The following JAKMIP2 variants were observed in gnomAD, a reference collection of about 807,000 sequenced individuals.
JAKMIP2 encodes the protein janus kinase and microtubule interacting protein 2.
Under a neutral mutation model 115.0 loss-of-function variants are expected in JAKMIP2, and 25 were observed. The observed-to-expected ratio is 0.22, with a 90% CI of 0.16 to 0.30. The LOEUF (loss-of-function observed/expected upper bound fraction) is 0.30, where lower values mean the gene tolerates loss of function less well. Among genes scored for constraint, JAKMIP2 ranks in the 10% least tolerant of loss-of-function variants. The pLI is 1.00. For missense variants in JAKMIP2, 642 were observed against 957.6 expected, an observed-to-expected ratio of 0.67 and a Z score of 4.35; for synonymous variants, 334 against 343.6, an observed-to-expected ratio of 0.97 and a Z score of 0.31.
intron 1 of JAKMIP2, among the ~76,000 whole-genome samples, chr5:147,762,550 C>T (rs1010639346): frequency 2.0e-5 from 3 of 152,050 alleles, no homozygotes; most frequent in African/African-American, 7.2e-5. Flanking sequence ...TGTGTCCTCA[C>T]ATGGCCTTTT....
intron 1 of JAKMIP2, among the ~76,000 whole-genome samples, chr5:147,722,401 C>A (rs977958707): frequency 1.1e-4 from 17 of 152,116 alleles, no homozygotes; most frequent in Admixed American, 1.0e-3. Context: ...TTTCTGATTA[C>A]CTGCTTTGCA....
chr5:147,653,160 G>T (rs1345877581), intron 3 of JAKMIP2, among the ~76,000 whole-genome samples: 1 of 152,086 alleles, frequency 6.6e-6, no homozygotes, highest in Non-Finnish European at 1.5e-5. Context: ...AAATAATGCT[G>T]CAATAAACAT....
intron 5 of JAKMIP2, among the ~76,000 whole-genome samples, 192 bp from the exon 6 acceptor site, chr5:147,645,188 G>GT (rs1942874146): frequency 6.6e-6 from 1 of 152,104 alleles, no homozygotes; most frequent in Admixed American, 6.5e-5. Context: ...TTCTCTAACG[G>GT]TTTTTCATCA....
chr5:147,651,490 G>A (rs1758392425), intron 3 of JAKMIP2, among the ~76,000 whole-genome samples: 1 of 152,140 alleles, frequency 6.6e-6, no homozygotes, highest in Admixed American at 6.5e-5. Context: ...TATTCTATGT[G>A]TACATTCAAA....
chr5:147,636,297 G>T lies in JAKMIP2; in HGVS notation c.1615-13C>A. 6.2e-7 allele frequency: 1 copy of T among 1,611,460 alleles called. No individual in the cohort carries two copies. Among genetic ancestry groups the T allele is most frequent in the South Asian group, 1.1e-5 (1 of 90,966 alleles). On this transcript the variant is annotated splice_polypyrimidine_tract_variant and intron_variant, in intron 11 of 21. Coordinates refer to ENST00000616793, the MANE Select transcript of JAKMIP2 (RefSeq NM_001270941.2). The stretch of plus-strand genomic sequence containing the variant: ...CCCAGTGTGAATCCTGTTTGACAAA[G>T]AATATCGCGCAGTCAGCATTTCAGA...
chr5:147,616,609 A>G (rs767193921), intron 19 of JAKMIP2, among the ~76,000 whole-genome samples: 2 of 152,216 alleles, frequency 1.3e-5, no homozygotes, highest in Non-Finnish European at 2.9e-5. Flanking sequence ...ATTTGTGCAG[A>G]GTACATTTTT....
intron 1 of JAKMIP2, among the ~76,000 whole-genome samples, chr5:147,767,344 A>G (rs559905028): frequency 6.6e-6 from 1 of 152,190 alleles, no homozygotes; most frequent in Non-Finnish European, 1.5e-5. Context: ...TTATAGCTGG[A>G]TGAGTCCTTG....
intron 2 of JAKMIP2, 65 bp downstream of exon 2, chr5:147,671,613 C>A (rs1031675678): frequency 1.5e-6 from 2 of 1,291,680 alleles, no homozygotes; most frequent in Non-Finnish European, 2.0e-6. Flanking sequence ...CAGAGCTGTG[C>A]TCGCTGCATG....
chr5:147,669,775 C>T (rs752232047), intron 2 of JAKMIP2, among the ~76,000 whole-genome samples: 7 of 152,172 alleles, frequency 4.6e-5, no homozygotes, highest in Admixed American at 3.3e-4. Context: ...TTTGTCAACA[C>T]GAAGGCTGGA....
intron 21 of JAKMIP2, among the ~76,000 whole-genome samples, chr5:147,597,371 G>A (rs1402219329): frequency 3.3e-5 from 5 of 152,044 alleles, no homozygotes; most frequent in South Asian, 2.1e-4. Context: ...CATGTTATTA[G>A]ACAGGAAGTA....
chr5:147,662,233 C>T (rs746459752), intron 2 of JAKMIP2, among the ~76,000 whole-genome samples: 6 of 151,940 alleles, frequency 3.9e-5, no homozygotes, highest in Non-Finnish European at 8.8e-5. Context: ...ATTGGGTCCT[C>T]TCTCTGATGA....
At chr5:147,721,570 C>T (rs1478086549) in intron 1 of JAKMIP2, among the ~76,000 whole-genome samples, 1 of 152,064 alleles carries the variant, frequency 6.6e-6, no homozygotes, top group African/African-American at 2.4e-5. Flanking sequence ...TTTTTAAGCC[C>T]GTCGGAAAAG....
chr5:147,766,546 C>T (rs1185694257), intron 1 of JAKMIP2, among the ~76,000 whole-genome samples: 1 of 152,038 alleles, frequency 6.6e-6, no homozygotes, highest in Non-Finnish European at 1.5e-5. Context: ...CTAAACAAAT[C>T]AGAGCTGGGA....
At chr5:147,624,662 A>G (rs1410860906) in intron 16 of JAKMIP2, among the ~76,000 whole-genome samples, 1 of 152,198 alleles carries the variant, frequency 6.6e-6, no homozygotes, top group Admixed American at 6.5e-5. Context: ...ACCCTACCAT[A>G]TACAGGTTTT....
intron 1 of JAKMIP2, among the ~76,000 whole-genome samples, chr5:147,691,559 C>G (rs539888422): frequency 6.6e-6 from 1 of 152,286 alleles, no homozygotes; most frequent in African/African-American, 2.4e-5. Flanking sequence ...ATGCACTTAC[C>G]CAAGGCTGCA....
At chr5:147,599,013 G>A (rs1755553306) in intron 21 of JAKMIP2, among the ~76,000 whole-genome samples, 1 of 152,250 alleles carries the variant, frequency 6.6e-6, no homozygotes, top group Non-Finnish European at 1.5e-5. Context: ...TATTCCCTGA[G>A]AAGAGGAGAT....
At chr5:147,661,594 G>T (rs1758979880) in intron 2 of JAKMIP2, 149 bp from the exon 3 acceptor site, 3 of 722,498 alleles carry the variant, frequency 4.2e-6, no homozygotes, top group Non-Finnish European at 6.8e-6. Context: ...AGAACTACAG[G>T]CCTTGAAGCT....
intron 1 of JAKMIP2, among the ~76,000 whole-genome samples, chr5:147,687,471 G>C (rs1760627723): frequency 1.3e-5 from 2 of 152,178 alleles, no homozygotes; most frequent in African/African-American, 4.8e-5. Flanking sequence ...TAACAGAAGG[G>C]ATGGCTAAAC....
intron 1 of JAKMIP2, among the ~76,000 whole-genome samples, chr5:147,678,259 C>T (rs1165785612): frequency 6.6e-6 from 1 of 152,186 alleles, no homozygotes; most frequent in Admixed American, 6.5e-5. Flanking sequence ...ACCTCAGCCT[C>T]CCAAAGTGCT....
Sources: gnomAD v4.1 joint callset for allele counts (sites outside exome capture counted in the v4.1 genomes callset) on GRCh38, gnomAD v4.1.1 for gene constraint, MANE v1.5 for transcripts, NCBI Gene and HGNC (gene_info 2026-07-23, HGNC 2026-07-21) for gene names.